The following CLMP variants were observed in gnomAD, a reference collection of about 807,000 sequenced individuals.
CLMP encodes CXADR like cell adhesion molecule.
A neutral mutation model predicts 45.2 loss-of-function variants in CLMP; 27 were observed. That is an observed-to-expected ratio of 0.60 (90% confidence interval 0.44 to 0.82). CLMP has a LOEUF of 0.82. Among genes scored for constraint, CLMP ranks in the 40% least tolerant of loss-of-function variants. The pLI is 0.00. For synonymous variants in CLMP, 167 were observed against 171.4 expected (o/e 0.97, Z 0.20); for missense variants, 403 against 448.4 (o/e 0.90, Z 0.91).
intron 1 of CLMP, among the ~76,000 whole-genome samples, chr11:123,115,760 G>A (rs1032676182): frequency 6.6e-6 from 1 of 152,008 alleles, no homozygotes; most frequent in Non-Finnish European, 1.5e-5. Flanking sequence ...CTTTATGATG[G>A]CTGTGTTCTT....
At chr11:123,191,523 A>G (rs1591492392) in intron 1 of CLMP, 1 of 152,242 alleles carries the variant, frequency 6.6e-6, no homozygotes, top group African/African-American at 2.4e-5. Flanking sequence ...TTAATCTGGT[A>G]CTAGCACACA....
intron 1 of CLMP, among the ~76,000 whole-genome samples, chr11:123,157,010 A>T (rs10400332): frequency 6.6e-6 from 1 of 152,150 alleles, no homozygotes; most frequent in Non-Finnish European, 1.5e-5. Context: ...ATTTACTCCC[A>T]GGAAAACAGA....
chr11:123,142,712 C>G (rs896217543), intron 1 of CLMP, among the ~76,000 whole-genome samples: 1 of 136,704 alleles, frequency 7.3e-6, no homozygotes, highest in Non-Finnish European at 1.5e-5. Context: ...CTGCAAGCTC[C>G]GCTTCCCGGG....
intron 2 of CLMP, among the ~76,000 whole-genome samples, chr11:123,090,420 C>CA (rs959561991): frequency 2.6e-3 from 363 of 141,574 alleles, no homozygotes; most frequent in African/African-American, 2.5e-3. Flanking sequence ...GACTCTGTCT[C>CA]AAAAAAAAAA....
intron 1 of CLMP, among the ~76,000 whole-genome samples, chr11:123,117,328 A>G (rs970775886): frequency 6.6e-6 from 1 of 152,054 alleles, no homozygotes; most frequent in African/African-American, 2.4e-5. Context: ...AGAAAGGCCT[A>G]TTTGCTAAGA....
chr11:123,077,573 G>A (rs753584545), intron 5 of CLMP, among the ~76,000 whole-genome samples: 20 of 152,062 alleles, frequency 1.3e-4, no homozygotes, highest in Non-Finnish European at 2.1e-4. Context: ...CAAGTGATCC[G>A]CCCACCTCCA....
chr11:123,180,721 C>T lies in CLMP; in HGVS notation c.28+14192G>A, dbSNP rs371666481. Among the ~76,000 whole-genome samples, 23 of 152,126 alleles carry T rather than the reference C, an allele frequency of 1.5e-4. 1 individual carries two copies. Among genetic ancestry groups the T allele is most frequent in the African/African-American group, 2.2e-4 (9 of 41,490 alleles). ...GGGGTGAGAGAGGGTTTCAGGAAAG[C>T]GCTCACTGAGGTGGTGTTTGCACTG... On this transcript the variant is annotated intron_variant, in intron 1 of 6. Coordinates refer to ENST00000448775, the MANE Select transcript of CLMP (RefSeq NM_024769.5).
chr11:123,177,716 G>C, intron 1 of CLMP, among the ~76,000 whole-genome samples: 1 of 152,056 alleles, frequency 6.6e-6, no homozygotes, highest in East Asian at 1.9e-4. Context: ...TTGGGTTTAT[G>C]ACACATGTTT....
intron 1 of CLMP, among the ~76,000 whole-genome samples, chr11:123,111,554 T>G (rs1860638657): frequency 6.6e-6 from 1 of 152,194 alleles, no homozygotes; most frequent in African/African-American, 2.4e-5. Flanking sequence ...TTTCTTTCCT[T>G]TCTGTTGCTC....
intron 1 of CLMP, among the ~76,000 whole-genome samples, chr11:123,167,158 T>C (rs547773206): frequency 1.3e-5 from 2 of 152,226 alleles, no homozygotes; most frequent in Admixed American, 6.5e-5. Flanking sequence ...GATCACTCTA[T>C]GAAGAGGTAT....
Position 123,194,943 on chromosome 11 carries a change from C to G in CLMP, c.-3G>C, listed in dbSNP as rs1193485890. 3.7e-6 allele frequency: 6 copies of G among 1,612,062 alleles called. No homozygotes were observed. The highest frequency in any genetic ancestry group is 3.3e-5 in the Admixed American group (2 of 59,846). ...AAGAGGAGAAGGAGGAGGGACATCC[C>G]GATCCCCGGACGCGGGCGCTTCCCC... On this transcript the variant is annotated 5_prime_UTR_variant, in exon 1 of 7. Coordinates refer to ENST00000448775, the MANE Select transcript of CLMP (RefSeq NM_024769.5).
At chr11:123,178,112 G>A (rs760592807) in intron 1 of CLMP, among the ~76,000 whole-genome samples, 3 of 152,132 alleles carry the variant, frequency 2.0e-5, no homozygotes, top group African/African-American at 4.8e-5. Context: ...TGATCCACCC[G>A]CCTCAGCCTC....
chr11:123,145,464 T>TG (rs879508103), intron 1 of CLMP, among the ~76,000 whole-genome samples: 19,685 of 89,088 alleles, frequency 0.22, 1,711 homozygotes, highest in South Asian at 0.35. Flanking sequence ...TTTTTTTTTT[T>TG]TTTTTTTTTT....
chr11:123,187,566 A>C (rs1861850983), intron 1 of CLMP, among the ~76,000 whole-genome samples: 1 of 152,216 alleles, frequency 6.6e-6, no homozygotes, highest in African/African-American at 2.4e-5. Flanking sequence ...GAACAGAAAA[A>C]TTCCTCTTTG....
Position 123,144,181 on chromosome 11 carries a change from T to G in CLMP, c.29-46229A>C, listed in dbSNP as rs530543612. Among the ~76,000 whole-genome samples, 5 of 152,254 alleles carry G rather than the reference T, an allele frequency of 3.3e-5. No homozygotes were observed. In the East Asian group the frequency reaches 9.7e-4, roughly 29 times the overall value. ...TGGAACTCCTAACCCACAGAGATGA[T>G]GAAATAGTGTGTGTAGTTTTAAGCT... On this transcript the variant is annotated intron_variant, in intron 1 of 6. Coordinates refer to ENST00000448775, the MANE Select transcript of CLMP (RefSeq NM_024769.5).
chr11:123,085,095 TATGAA>T (rs1258464544), intron 2 of CLMP, among the ~76,000 whole-genome samples: 2 of 151,594 alleles, frequency 1.3e-5, no homozygotes, highest in African/African-American at 4.9e-5. Flanking sequence ...AGCATAGACT[TATGAA>T]AGGAAAAGAA....
intron 1 of CLMP, among the ~76,000 whole-genome samples, chr11:123,110,192 A>G (rs1357622191): frequency 1.3e-5 from 2 of 152,144 alleles, no homozygotes; most frequent in Non-Finnish European, 2.9e-5. Context: ...GCGATGGCTC[A>G]CGCCTGTAAT....
chr11:123,086,689 T>C (rs1451023763), intron 2 of CLMP, among the ~76,000 whole-genome samples: 1 of 152,202 alleles, frequency 6.6e-6, no homozygotes, highest in African/African-American at 2.4e-5. Context: ...ATCACAGCCC[T>C]TCTCCTGGAT....
intron 2 of CLMP, among the ~76,000 whole-genome samples, chr11:123,086,915 T>C (rs148477215): frequency 9.9e-4 from 151 of 152,134 alleles, no homozygotes; most frequent in African/African-American, 3.5e-3. Flanking sequence ...AAAATGTAAC[T>C]GGGTGCGGTG....
Sources: allele counts gnomAD v4.1 joint callset (sites outside exome capture counted in the v4.1 genomes callset), GRCh38; gene constraint gnomAD v4.1.1; transcripts MANE v1.5; gene names NCBI Gene and HGNC (gene_info 2026-07-23, HGNC 2026-07-21).